The following ADGB variants were observed in gnomAD, a reference collection of about 807,000 sequenced individuals.
ADGB encodes androglobin, also known as calpain-7-like protein.
In ADGB, 172 loss-of-function variants were observed where a neutral mutation model predicts 210.5. The observed-to-expected ratio is 0.82, with a 90% CI of 0.72 to 0.93. The LOEUF (loss-of-function observed/expected upper bound fraction) is 0.93, where lower values mean the gene tolerates loss of function less well. Ranked by LOEUF, ADGB falls within the 40% of genes least tolerant of loss-of-function variation. ADGB has a pLI of 0.00. For synonymous variants in ADGB, 658 were observed against 662.7 expected, an observed-to-expected ratio of 0.99 and a Z score of 0.11; for missense variants, 2,025 against 1,964.8, an observed-to-expected ratio of 1.03 and a Z score of -0.58.
At chr6:146,631,754 G>A (rs931572194) in intron 1 of ADGB, among the ~76,000 whole-genome samples, 2 of 152,138 alleles carry the variant, frequency 1.3e-5, no homozygotes, top group South Asian at 4.1e-4. Context: ...ATTAGTGAGA[G>A]TACTGAGTAG....
chr6:146,667,484 G>GA (rs1775952164), intron 7 of ADGB, among the ~76,000 whole-genome samples: 1 of 152,004 alleles, frequency 6.6e-6, no homozygotes, highest in African/African-American at 2.4e-5. Context: ...CAAATAGAGG[G>GA]AAAACAGAGT....
chr6:146,767,992 A>T (rs1307694082), intron 28 of ADGB, among the ~76,000 whole-genome samples: 1 of 152,244 alleles, frequency 6.6e-6, no homozygotes, highest in Non-Finnish European at 1.5e-5. Flanking sequence ...TAGCAGCAAC[A>T]AAATCAGAAA....
At position 146,721,466 on chromosome 6, in the gene ADGB, G is replaced by A; in HGVS notation, c.2056G>A (p.Val686Ile). The part of the protein sequence containing the change: ...VDSLKPIELL[V>I]CFSALVRWGE... ...TAGTCTAAAACCTATTGAACTACTG[G>A]TTTGCTTTTCTGCATTGGTACGCTG... is the stretch of plus-strand genomic sequence containing the variant. Residue 686 changes from valine to isoleucine, a missense_variant, in exon 17 of 36, where the codon GTT becomes ATT. Physicochemically the swap from Val to Ile is conservative, Grantham distance 29. Transcript: ENST00000397944. The A allele has an allele frequency of 6.4e-7, 1 of 1,551,308 alleles. No homozygotes were observed.
chr6:146,602,471 CTT>C (rs2114821286), intron 1 of ADGB, among the ~76,000 whole-genome samples: 1 of 152,294 alleles, frequency 6.6e-6, no homozygotes, highest in African/African-American at 2.4e-5. Flanking sequence ...CGTAAGATAA[CTT>C]TAACATAACA....
At chr6:146,774,123 T>G (rs1777690556) in intron 29 of ADGB, among the ~76,000 whole-genome samples, 1 of 152,206 alleles carries the variant, frequency 6.6e-6, no homozygotes, top group Non-Finnish European at 1.5e-5. Flanking sequence ...TTATCTATAT[T>G]ACTTTAGTGA....
intron 16 of ADGB, among the ~76,000 whole-genome samples, chr6:146,720,848 G>A (rs1776802108): frequency 6.6e-6 from 1 of 152,142 alleles, no homozygotes. Flanking sequence ...CTCCCACCAG[G>A]CCCCTCCTTC....
chr6:146,755,056 A>C (rs1188022538), intron 27 of ADGB, among the ~76,000 whole-genome samples: 3 of 152,040 alleles, frequency 2.0e-5, no homozygotes, highest in African/African-American at 4.8e-5. Context: ...CTATGTTGCT[A>C]GTTATGTAAG....
intron 7 of ADGB, among the ~76,000 whole-genome samples, chr6:146,667,894 G>A (rs1032111042): frequency 6.6e-6 from 1 of 151,958 alleles, no homozygotes; most frequent in African/African-American, 2.4e-5. Flanking sequence ...TTTCAAATGA[G>A]GAAACTAAAG....
In ADGB at chr6:146,801,170, G is replaced by GT. The variant is rs778393178; in HGVS notation, c.4538-5dup. 288 of 1,428,934 alleles carry GT rather than the reference G, an allele frequency of 2.0e-4. No individual in the cohort carries two copies. The highest frequency in any genetic ancestry group is 5.7e-4 in the African/African-American group (39 of 67,854). The allele number at this position is 1,428,934 out of a possible 1,614,324, so 88.5% of individuals were successfully genotyped here. On this transcript the variant is annotated splice_polypyrimidine_tract_variant and intron_variant, in intron 33 of 35. Transcript: ENST00000397944. ...AGCCTAGGTTTTTTGTTGTGTGTGT[G>GT]TTTTTTTTAAAGAAACAGGACCTCG...
At chr6:146,652,515 CT>C (rs1775716611) in intron 3 of ADGB, among the ~76,000 whole-genome samples, 1 of 151,986 alleles carries the variant, frequency 6.6e-6, no homozygotes, top group African/African-American at 2.4e-5. Flanking sequence ...CTAATCAAAA[CT>C]GTTTTCATGT....
intron 20 of ADGB, among the ~76,000 whole-genome samples, chr6:146,729,858 T>C (rs1776954198): frequency 3.3e-5 from 5 of 152,244 alleles, no homozygotes; most frequent in Admixed American, 3.3e-4. Flanking sequence ...TAGATTCTTA[T>C]GATTCTTTGT....
At chr6:146,803,164 C>G (rs553954139) in intron 35 of ADGB, 1 of 1,488,682 alleles carries the variant, frequency 6.7e-7, no homozygotes, top group Non-Finnish European at 9.4e-7. Flanking sequence ...AACAAATAAG[C>G]TACAAGTTCA....
At chr6:146,803,118 A>G (rs1778156501) in intron 35 of ADGB, 1 of 1,491,114 alleles carries the variant, frequency 6.7e-7, no homozygotes, top group East Asian at 2.3e-5. Context: ...GAGCACAGGA[A>G]GGCAATCTAC....
rs116064942 is a variant in ADGB, at chr6:146,601,999, C to T, written c.74+2885C>T. On this transcript the variant is annotated intron_variant, in intron 1 of 35. Transcript: ENST00000397944. ...AAAACTGAGATGTTACAACTGATTA[C>T]GGTAGAATCATCTATGTTCATATTC... Among the ~76,000 whole-genome samples, 1,454 of 152,260 alleles carry T rather than the reference C, an allele frequency of 9.5e-3. 22 individuals carry two copies. The highest frequency in any genetic ancestry group is 0.033 in the African/African-American group (1,362 of 41,524).
At chr6:146,673,715 G>A (rs1479129379) in intron 8 of ADGB, among the ~76,000 whole-genome samples, 1 of 152,104 alleles carries the variant, frequency 6.6e-6, no homozygotes, top group Non-Finnish European at 1.5e-5. Context: ...AAGCTGCAGA[G>A]CAAGATAGAT....
Position 146,736,372 on chromosome 6 carries a change from C to G in ADGB, c.2795-126C>G, listed in dbSNP as rs546451433. ...AAACCTGAGTTTTCTGCTAATGAAG[C>G]CTATGACTTTGAATACCATCTTACT... is the stretch of plus-strand genomic sequence containing the variant. On this transcript the variant is annotated intron_variant, in intron 22 of 35. Coordinates refer to ENST00000397944, the MANE Select transcript of ADGB (RefSeq NM_024694.4). 5.3e-4 allele frequency: 317 copies of G among 597,808 alleles called. 2 individuals carry two copies. The highest frequency in any genetic ancestry group is 9.0e-4 in the Middle Eastern group (2 of 2,222). 37.0% of individuals were successfully genotyped at this position (597,808 alleles called of 1,614,324 possible). A position where few individuals can be genotyped will look rare whatever the true frequency, so the allele number is the denominator to read the frequency against.
Position 146,766,221 on chromosome 6 carries a change from G to A in ADGB, c.3750+2121G>A, listed in dbSNP as rs148105970. Among the ~76,000 whole-genome samples, 755 of 151,998 alleles carry A rather than the reference G, an allele frequency of 5.0e-3. 2 individuals carry two copies. The highest frequency in any genetic ancestry group is 0.017 in the African/African-American group (710 of 41,460). On this transcript the variant is annotated intron_variant, in intron 28 of 35. Coordinates refer to ENST00000397944, the MANE Select transcript of ADGB (RefSeq NM_024694.4). ...GTAGATCACTTGAGACTAGGAGTTC[G>A]AGACCAGCCTGGCCAACATGGTAGA...
At chr6:146,763,727 A>G (rs548933500) in intron 27 of ADGB, among the ~76,000 whole-genome samples, 174 bp from the exon 28 acceptor site, 2 of 152,318 alleles carry the variant, frequency 1.3e-5, no homozygotes, top group East Asian at 3.9e-4. Context: ...GTCACATACT[A>G]TTATAATAGA....
chr6:146,775,014 C>A (rs1196442435), intron 29 of ADGB, among the ~76,000 whole-genome samples: 4 of 152,036 alleles, frequency 2.6e-5, no homozygotes, highest in Admixed American at 2.0e-4. Flanking sequence ...CTCAAGCAAT[C>A]CACTCATCTC....
Sources: gnomAD v4.1 joint callset for allele counts (sites outside exome capture counted in the v4.1 genomes callset) on GRCh38, gnomAD v4.1.1 for gene constraint, MANE v1.5 for transcripts, NCBI Gene and HGNC (gene_info 2026-07-23, HGNC 2026-07-21) for gene names.